PATJ: variants seen among roughly 807,000 people sequenced by gnomAD.
PATJ encodes PATJ crumbs cell polarity complex component, also known as inaD-like protein.
PATJ carries 190 observed loss-of-function variants against 224.9 expected under a neutral mutation model. The ratio of observed to expected loss-of-function variants is 0.84; its 90% confidence interval spans 0.75 to 0.95. The LOEUF is 0.95. Ranked by LOEUF, PATJ falls within the 40% of genes least tolerant of loss-of-function variation. PATJ has a pLI of 0.00. For missense variants in PATJ, 2,121 were observed against 2,270.3 expected, an observed-to-expected ratio of 0.93 and a Z score of 1.34; for synonymous variants, 769 against 820.3, an observed-to-expected ratio of 0.94 and a Z score of 1.07.
In PATJ at chr1:62,088,118, C is replaced by T. The variant is rs569260868; in HGVS notation, c.4377+3470C>T. Reference sequence around the variant, plus strand: ...GTTGGTCAGGCTGGTCTTGAACTCCCGACCTCAGGTGATCCGCCTGCCTCA... The same window carrying T: ...GTTGGTCAGGCTGGTCTTGAACTCCTGACCTCAGGTGATCCGCCTGCCTCA... On this transcript the variant is annotated intron_variant, in intron 33 of 43. Coordinates refer to ENST00000642238, the MANE Select transcript of PATJ (RefSeq NM_001350145.3). Among the ~76,000 whole-genome samples the T allele has an allele frequency of 2.2e-3, 340 of 152,026 alleles. 1 individual carries two copies. Among genetic ancestry groups the T allele is most frequent in the African/African-American group, 5.1e-3 (213 of 41,472 alleles).
intron 37 of PATJ, 122 bp downstream of exon 37, chr1:62,117,340 T>G: frequency 6.9e-7 from 1 of 1,458,016 alleles, no homozygotes; most frequent in Non-Finnish European, 9.0e-7. Flanking sequence ...CAGCACCAAG[T>G]TTAGTGAACT....
rs543108414 is a variant in PATJ at position 61,954,831 on chromosome 1, G to A, written c.3670+27002G>A. ...TGCAGTGGCACTATCTTGGCTCACT[G>A]CAAACTTCTCCTCCCGGGTTCACAG... On this transcript the variant is annotated intron_variant, in intron 27 of 43. Transcript: ENST00000642238. Among the ~76,000 whole-genome samples the A allele has an allele frequency of 2.0e-5, 3 of 146,886 alleles. No homozygotes were observed. The South Asian group carries it at 6.4e-4, about 31-fold the overall frequency.
Position 61,895,358 on chromosome 1 carries a change from C to G in PATJ, c.3132-4225C>G, listed in dbSNP as rs757719581. Among the ~76,000 whole-genome samples the G allele has an allele frequency of 1.9e-3, 294 of 152,364 alleles. 3 individuals carry two copies. Among genetic ancestry groups the G allele is most frequent in the Non-Finnish European group, 3.5e-4 (24 of 68,044 alleles). ...TCAGAAATCTTTGTGGCAGCTCCTC[C>G]CATCACAGTCCCAGAGGCCTAGGAG... is the stretch of plus-strand genomic sequence containing the variant. On this transcript the variant is annotated intron_variant, in intron 22 of 43. Transcript: ENST00000642238.
intron 30 of PATJ, among the ~76,000 whole-genome samples, chr1:62,048,567 A>AAAAG (rs1558092574): frequency 1.7e-4 from 26 of 149,736 alleles, no homozygotes; most frequent in Non-Finnish European, 3.3e-4. Context: ...AAAAAAAAAA[A>AAAAG]AAAGAAAAAG....
At chr1:61,798,041 G>A (rs1651708633) in intron 11 of PATJ, among the ~76,000 whole-genome samples, 1 of 152,136 alleles carries the variant, frequency 6.6e-6, no homozygotes, top group African/African-American at 2.4e-5. Flanking sequence ...CCTGACCTCA[G>A]GTGATCTGCC....
chr1:62,098,877 A>AT (rs1199479092), intron 33 of PATJ, among the ~76,000 whole-genome samples: 2 of 151,854 alleles, frequency 1.3e-5, no homozygotes, highest in African/African-American at 2.4e-5. Context: ...AATTTTTTTT[A>AT]TTTTTTTTAA....
intron 37 of PATJ, among the ~76,000 whole-genome samples, chr1:62,120,066 C>A (rs1281735002): frequency 6.6e-6 from 1 of 152,112 alleles, no homozygotes; most frequent in African/African-American, 2.4e-5. Flanking sequence ...GTACCATTTA[C>A]TTAAATCATA....
chr1:61,986,101 G>A (rs12742700), intron 27 of PATJ, among the ~76,000 whole-genome samples: 40,999 of 151,688 alleles, frequency 0.27, 5,928 homozygotes, highest in East Asian at 0.45. Context: ...CTTGTGTTTG[G>A]ACTTAATTGT....
intron 12 of PATJ, among the ~76,000 whole-genome samples, chr1:61,804,720 T>C (rs2148606281): frequency 6.6e-6 from 1 of 152,326 alleles, no homozygotes; most frequent in Non-Finnish European, 1.5e-5. Context: ...TGCACTGAGC[T>C]TCTGGCTACA....
intron 31 of PATJ, among the ~76,000 whole-genome samples, chr1:62,059,778 T>C (rs767002820): frequency 4.0e-4 from 61 of 152,146 alleles, no homozygotes; most frequent in Non-Finnish European, 8.1e-4. Context: ...TAATAATGAC[T>C]GAAACCAAGG....
chr1:61,766,173 A>G (rs1570351938), intron 3 of PATJ, 106 bp from the exon 4 acceptor site: 22 of 721,732 alleles, frequency 3.0e-5, no homozygotes, highest in Non-Finnish European at 8.7e-6. Context: ...TTTTCCATGT[A>G]TATATTTAAT....
intron 17 of PATJ, among the ~76,000 whole-genome samples, chr1:61,853,018 A>G (rs1663085600): frequency 6.6e-6 from 1 of 152,164 alleles, no homozygotes; most frequent in Non-Finnish European, 1.5e-5. Flanking sequence ...CCCCCAAATG[A>G]CAAAGAAGCT....
intron 22 of PATJ, among the ~76,000 whole-genome samples, chr1:61,889,433 C>T (rs61313143): frequency 0.032 from 4,875 of 152,164 alleles, 248 homozygotes; most frequent in African/African-American, 0.11. Flanking sequence ...CACAGTAGTC[C>T]CTTCTTATCT....
chr1:62,027,503 T>C (rs1482697394), intron 29 of PATJ, among the ~76,000 whole-genome samples: 1 of 152,166 alleles, frequency 6.6e-6, no homozygotes, highest in Non-Finnish European at 1.5e-5. Context: ...TCCTGAGTCA[T>C]ACAGTTATTC....
chr1:61,864,281 A>G lies in PATJ; in HGVS notation c.2483A>G (p.Glu828Gly). The G allele has an allele frequency of 2.5e-6, 4 of 1,612,904 alleles. No homozygotes were observed. Among genetic ancestry groups the G allele is most frequent in the Non-Finnish European group, 3.4e-6 (4 of 1,179,428 alleles). Residue 828 changes from glutamate (E) to glycine (G), a missense_variant, in exon 20 of 44, where the codon GAA (glutamate) becomes GGA (glycine). Transcript: ENST00000642238. ...TATTTTAAAGAAGAACTTGTGGATG[A>G]ACCATTTCTAGATCTGGGAAAGTCT... ...EPYFKEELVD[E>G]PFLDLGKSFH... is the part of the protein sequence containing the mutation.
Position 62,017,841 on chromosome 1 carries a change from G to GT in PATJ, c.3868-10dup. The GT allele has an allele frequency of 6.7e-7, 1 of 1,500,542 alleles. No homozygotes were observed. Among genetic ancestry groups the GT allele is most frequent in the South Asian group, 1.1e-5 (1 of 87,966 alleles). 93.0% of individuals were successfully genotyped at this position (1,500,542 alleles called of 1,614,324 possible). On this transcript the variant is annotated splice_polypyrimidine_tract_variant and intron_variant, in intron 28 of 43. Transcript: ENST00000642238. ...GACATGTATAATTTAGTACATTGTG[G>GT]TTTTTCCCAAACAGATAAACAATCA...
chr1:61,892,523 AAT>A (rs1373035750), intron 22 of PATJ, among the ~76,000 whole-genome samples: 1 of 152,148 alleles, frequency 6.6e-6, no homozygotes, highest in Non-Finnish European at 1.5e-5. Flanking sequence ...ATCTGTAAAG[AAT>A]TATAACTTTA....
chr1:61,771,411 T>C lies in PATJ; in HGVS notation c.525-20T>C, dbSNP rs763104458. 5.3e-6 allele frequency: 8 copies of C among 1,506,696 alleles called. No homozygotes were observed. In the African/African-American group the frequency reaches 1.1e-4, roughly 21 times the overall value. 93.3% of individuals were successfully genotyped at this position (1,506,696 alleles called of 1,614,324 possible). On this transcript the variant is annotated intron_variant, in intron 5 of 43. Coordinates refer to ENST00000642238, the MANE Select transcript of PATJ (RefSeq NM_001350145.3). ...AGGTTATTAGATCACTTAAAAAATT[T>C]CTTTTCTTACATGATTAAGGGATCA...
chr1:61,864,563 A>T lies in PATJ; in HGVS notation c.2765A>T (p.Gln922Leu). ...WLHDNEPSES[Q>L]EARTGRTVYS... ...CATGATAATGAACCATCCGAGTCTCAAGAGGCAAGAACCGGGAGGACTGTC... is the reference window on the plus strand; with the variant it reads ...CATGATAATGAACCATCCGAGTCTCTAGAGGCAAGAACCGGGAGGACTGTC... Residue 922 changes from glutamine to leucine, a missense_variant, in exon 20 of 44, where the codon CAA (glutamine) becomes CTA (leucine). Transcript: ENST00000642238. 1 of 1,611,948 alleles carries T rather than the reference A, an allele frequency of 6.2e-7. No individual in the cohort carries two copies. The highest frequency in any genetic ancestry group is 1.7e-4 in the Middle Eastern group (1 of 6,060).
Sources: allele counts gnomAD v4.1 joint callset (sites outside exome capture counted in the v4.1 genomes callset), GRCh38; gene constraint gnomAD v4.1.1; transcripts MANE v1.5; gene names NCBI Gene and HGNC (gene_info 2026-07-23, HGNC 2026-07-21).